The following MYH4 variants were observed in gnomAD, a reference collection of about 807,000 sequenced individuals.
MYH4 encodes myosin heavy chain 4.
Under a neutral mutation model 229.9 loss-of-function variants are expected in MYH4, and 200 were observed. That is an observed-to-expected ratio of 0.87 (90% confidence interval 0.78 to 0.98). MYH4 has a LOEUF of 0.98. Among genes scored for constraint, MYH4 ranks in the 50% least tolerant of loss-of-function variants. The probability of loss-of-function intolerance (pLI) is 0.00; values close to 1 mark genes in which losing one functional copy is unlikely to be tolerated. For missense variants in MYH4, 2,148 were observed against 2,332.6 expected (o/e 0.92, Z 1.63); for synonymous variants, 761 against 834.6 (o/e 0.91, Z 1.52).
chr17:10,457,941 A>C (rs948801520), intron 15 of MYH4, among the ~76,000 whole-genome samples: 1 of 152,236 alleles, frequency 6.6e-6, no homozygotes, highest in African/African-American at 2.4e-5. Context: ...CATCTGAACT[A>C]TTTGGCACAC....
chr17:10,460,607 G>C (rs1314932849), intron 12 of MYH4, among the ~76,000 whole-genome samples: 1 of 152,196 alleles, frequency 6.6e-6, no homozygotes, highest in Non-Finnish European at 1.5e-5. Flanking sequence ...CCCTAACCTA[G>C]AGGAGTAGTG....
Position 10,450,831 on chromosome 17 carries a change from T to A in MYH4, c.3930A>T (p.Gln1310His). Residue 1310 changes from glutamine (Q) to histidine (H), a missense_variant, in exon 29 of 40, where the codon CAA (glutamine) becomes CAT (histidine). By Grantham distance (24) the Gln-to-His change is conservative (BLOSUM62 0). Coordinates refer to ENST00000255381, the MANE Select transcript of MYH4 (RefSeq NM_017533.2). ...AMVSQLSRGKQAFTQQIEELK... is the reference protein window; with the variant it reads ...AMVSQLSRGKHAFTQQIEELK... ...ATTCTTCAATCTGTTGTGTAAATGC[T>A]TGTTTGCCTCGGGATAGCTGAGAAA... The A allele has an allele frequency of 6.2e-7, 1 of 1,614,166 alleles. No homozygotes were observed. Among genetic ancestry groups the A allele is most frequent in the Non-Finnish European group, 8.5e-7 (1 of 1,180,014 alleles).
rs2072606904 is a variant in MYH4 at position 10,453,832 on chromosome 17, G to A, written c.2745C>T (p.Thr915=). The change falls in exon 23 of 40, where the codon ACC becomes ACT. Residue 915 remains threonine (T), a synonymous_variant. Transcript: ENST00000255381. ...TGATTTTGGCCTCAAGTTGGATTTT[G>A]GTTTTAATCAACTGATCACATCTTT... ...AEERCDQLIK[T]KIQLEAKIKE... 1 of 1,613,890 alleles carries A rather than the reference G, an allele frequency of 6.2e-7. No individual in the cohort carries two copies. Among genetic ancestry groups the A allele is most frequent in the Non-Finnish European group, 8.5e-7 (1 of 1,180,016 alleles).
In MYH4 at chr17:10,452,125, G is replaced by T; in HGVS notation, c.3554C>A (p.Ser1185Tyr). Residue 1185 changes from serine to tyrosine, a missense_variant, in exon 27 of 40, where the codon TCC becomes TAC. Ser to Tyr is a moderately radical substitution (Grantham distance 144). Transcript: ENST00000255381. ...TGCCGTGGCTTCGTGCTGCAGGGTG[G>T]ACTCTTCCAGGTCCCTGCGCATTTT... is the stretch of plus-strand genomic sequence containing the variant. ...FQKMRRDLEE[S>Y]TLQHEATAAA... 1 of 1,614,010 alleles carries T rather than the reference G, an allele frequency of 6.2e-7. No individual in the cohort carries two copies. Among genetic ancestry groups the T allele is most frequent in the Non-Finnish European group, 8.5e-7 (1 of 1,180,002 alleles).
At chr17:10,447,684 A>G (rs1228005078) in intron 34 of MYH4, 134 bp downstream of exon 34, 1 of 903,690 alleles carries the variant, frequency 1.1e-6, no homozygotes, top group Non-Finnish European at 1.7e-6. Flanking sequence ...TTGTGTGTGT[A>G]TAACTTTGAA....
At position 10,451,365 on chromosome 17, in the gene MYH4, C is replaced by A; in HGVS notation, c.3826G>T (p.Glu1276Ter). The A allele has an allele frequency of 6.2e-7, 1 of 1,614,038 alleles. No individual in the cohort carries two copies. The highest frequency in any genetic ancestry group is 8.5e-7 in the Non-Finnish European group (1 of 1,179,980). The change falls in exon 28 of 40, where the codon GAG becomes TAG. Residue 1276 changes from glutamate to a stop codon, truncating the protein, a stop_gained. Transcript: ENST00000255381. LOFTEE classifies it high-confidence loss of function. ...KEEEQQRLIN[E>*]LSAQKARLHT... ...AAACGTGCCTTCTGGGCTGACAACT[C>A]ATTTATTAAGCGTTGTTGCTCTTCT...
At chr17:10,465,777 T>TC (rs1555563678) in intron 4 of MYH4, among the ~76,000 whole-genome samples, 179 bp from the exon 5 acceptor site, 73 of 139,908 alleles carry the variant, frequency 5.2e-4, no homozygotes, top group African/African-American at 1.7e-3. Flanking sequence ...TTTCTTTTTT[T>TC]TTTTTTTTTT....
chr17:10,453,983 G>A (rs931420205), intron 22 of MYH4, 98 bp from the exon 23 acceptor site: 19 of 1,492,724 alleles, frequency 1.3e-5, no homozygotes, highest in Non-Finnish European at 1.7e-5. Flanking sequence ...TACCTGTTTG[G>A]TCAACATGTA....
chr17:10,454,924 T>A lies in MYH4; in HGVS notation c.2435+17A>T. On this transcript the variant is annotated intron_variant, in intron 21 of 39. Coordinates refer to ENST00000255381, the MANE Select transcript of MYH4 (RefSeq NM_017533.2). ...TATGAAAGTGTGGAGCAGGAAGACT[T>A]GTGTGTGGGCTCTCACCTCCTCTCC... 2 of 1,613,416 alleles carry A rather than the reference T, an allele frequency of 1.2e-6. No homozygotes were observed. The highest frequency in any genetic ancestry group is 1.7e-6 in the Non-Finnish European group (2 of 1,179,612).
rs750565208 is a variant in MYH4 at position 10,459,232 on chromosome 17, C to G, written c.1587+19G>C. On this transcript the variant is annotated intron_variant, in intron 15 of 39. Transcript: ENST00000255381. ...CAATTTGGTTTTCATGTTTTGAAAG[C>G]TAGAAAAGTCATATGAACCTTCTCG... The G allele has an allele frequency of 6.2e-7, 1 of 1,613,936 alleles. No homozygotes were observed. The highest frequency in any genetic ancestry group is 8.5e-7 in the Non-Finnish European group (1 of 1,179,888).
chr17:10,458,878 A>T (rs770745442), intron 15 of MYH4, among the ~76,000 whole-genome samples: 17 of 152,204 alleles, frequency 1.1e-4, no homozygotes, highest in Non-Finnish European at 1.6e-4. Context: ...CTTGTTACAC[A>T]TGAGGGATGA....
chr17:10,455,652 G>T lies in MYH4; in HGVS notation c.2136C>A (p.Gly712=). The T allele has an allele frequency of 6.2e-7, 1 of 1,614,100 alleles. No homozygotes were observed. The highest frequency in any genetic ancestry group is 8.5e-7 in the Non-Finnish European group (1 of 1,179,950). The change falls in exon 19 of 40, where the codon GGC becomes GGA. Residue 712 remains glycine (G), a synonymous_variant. Transcript: ENST00000255381. ...VLEGIRICRK[G]FPSRILYADF... ...CTGCATAAAGGATTCTGCTTGGGAAGCCTTTCCTGCAGATGCGGATGCCTT... is the reference window on the plus strand; with the variant it reads ...CTGCATAAAGGATTCTGCTTGGGAATCCTTTCCTGCAGATGCGGATGCCTT...
rs369915498 is a variant in MYH4 at position 10,460,909 on chromosome 17, G to T, written c.1147+7C>A. On this transcript the variant is annotated splice_region_variant and intron_variant, in intron 12 of 39. Coordinates refer to ENST00000255381, the MANE Select transcript of MYH4 (RefSeq NM_017533.2). ...GTCAAGTGGAAGATACCAACAGGGG[G>T]TGGTACCTTCCGTGCCATCTGGCTC... 27 of 1,613,820 alleles carry T rather than the reference G, an allele frequency of 1.7e-5. No homozygotes were observed. In the African/African-American group the frequency reaches 3.2e-4, roughly 19 times the overall value.
rs748830032 is a variant in MYH4 at position 10,466,645 on chromosome 17, G to C, written c.101C>G (p.Ala34Gly). ...RIEAQNKPFD[A>G]KTSVFVVDPK... ...GTCCACCACAAAGACTGATGTCTTG[G>C]CATCAAAAGGCTTGTTCTGAGCTTC... is the stretch of plus-strand genomic sequence containing the variant. Residue 34 changes from alanine to glycine, a missense_variant, in exon 3 of 40, where the codon GCC (alanine) becomes GGC (glycine). Transcript: ENST00000255381. The C allele has an allele frequency of 5.0e-6, 8 of 1,614,154 alleles. No homozygotes were observed. Among genetic ancestry groups the C allele is most frequent in the Non-Finnish European group, 5.9e-6 (7 of 1,180,040 alleles).
At position 10,460,296 on chromosome 17, in the gene MYH4, T is replaced by C. The variant is rs770905026; in HGVS notation, c.1173A>G (p.Thr391=). 3 of 1,609,210 alleles carry C rather than the reference T, an allele frequency of 1.9e-6. No individual in the cohort carries two copies. Among genetic ancestry groups the C allele is most frequent in the South Asian group, 2.2e-5 (2 of 90,912 alleles). Residue 391 remains threonine, a synonymous_variant, in exon 13 of 40, where the codon ACA becomes ACG. Transcript: ENST00000255381. ...TGAGCAGGTCAGCAGAGTTCAGACT[T>C]GTCAGATAAGCAGCTTTGTCAGCAA... is the stretch of plus-strand genomic sequence containing the variant. ...TEVADKAAYL[T]SLNSADLLKS...
In MYH4 at chr17:10,454,928, T is replaced by C; in HGVS notation, c.2435+13A>G. 1 of 1,613,886 alleles carries C rather than the reference T, an allele frequency of 6.2e-7. No homozygotes were observed. The highest frequency in any genetic ancestry group is 1.7e-5 in the Admixed American group (1 of 60,018). On this transcript the variant is annotated intron_variant, in intron 21 of 39. Transcript: ENST00000255381. ...AAAGTGTGGAGCAGGAAGACTTGTG[T>C]GTGGGCTCTCACCTCCTCTCCATCA... is the stretch of plus-strand genomic sequence containing the variant.
At chr17:10,449,154 A>G (rs1340970234) in intron 30 of MYH4, 107 bp from the exon 31 acceptor site, 6 of 936,912 alleles carry the variant, frequency 6.4e-6, no homozygotes, top group Non-Finnish European at 7.9e-6. Flanking sequence ...AGTTGTCTAC[A>G]AGTTGTTGAA....
intron 11 of MYH4, 24 bp from the exon 12 acceptor site, chr17:10,461,078 C>G (rs148623363): frequency 6.2e-7 from 1 of 1,613,122 alleles, no homozygotes. Context: ...TGAATTTGCT[C>G]ATCCCCAATT....
intron 7 of MYH4, 27 bp from the exon 8 acceptor site, chr17:10,463,670 A>T: frequency 6.5e-7 from 1 of 1,542,318 alleles, no homozygotes; most frequent in Non-Finnish European, 8.9e-7. Context: ...AAGACAGACA[A>T]AGAAAAAAGT....
Sources: gnomAD v4.1 joint callset for allele counts (sites outside exome capture counted in the v4.1 genomes callset) on GRCh38, gnomAD v4.1.1 for gene constraint, MANE v1.5 for transcripts, NCBI Gene and HGNC (gene_info 2026-07-23, HGNC 2026-07-21) for gene names.